CHST11: variants seen among roughly 807,000 people sequenced by gnomAD.
The protein encoded by CHST11 is C4S-1.
Under a neutral mutation model 30.4 loss-of-function variants are expected in CHST11, and 9 were observed. The ratio of observed to expected loss-of-function variants is 0.30; its 90% confidence interval spans 0.18 to 0.52. CHST11 has a LOEUF of 0.52. CHST11 is among the 20% of genes least tolerant of loss of function. The probability of loss-of-function intolerance (pLI) is 0.97; values close to 1 mark genes in which losing one functional copy is unlikely to be tolerated. For missense variants in CHST11, 348 were observed against 460.6 expected, an observed-to-expected ratio of 0.76 and a Z score of 2.24; for synonymous variants, 152 against 187.8, an observed-to-expected ratio of 0.81 and a Z score of 1.56.
chr12:104,700,582 CT>C (rs1175720820), intron 2 of CHST11, among the ~76,000 whole-genome samples: 3 of 152,148 alleles, frequency 2.0e-5, no homozygotes, highest in African/African-American at 7.2e-5. Flanking sequence ...TAATTAGCTC[CT>C]GTGTAAGATG....
chr12:104,572,191 T>A (rs2038633981), intron 1 of CHST11, among the ~76,000 whole-genome samples: 2 of 151,940 alleles, frequency 1.3e-5, no homozygotes, highest in Non-Finnish European at 2.9e-5. Flanking sequence ...TTGTTGTGTC[T>A]CTGCCAGGCT....
At chr12:104,519,430 A>T (rs944504789) in intron 1 of CHST11, among the ~76,000 whole-genome samples, 2 of 152,212 alleles carry the variant, frequency 1.3e-5, no homozygotes, top group Admixed American at 1.3e-4. Context: ...ATAGATGGAG[A>T]TCTGCCCCAG....
intron 2 of CHST11, among the ~76,000 whole-genome samples, chr12:104,718,355 TCACG>T (rs1161062201): frequency 2.2e-4 from 33 of 152,280 alleles, no homozygotes. Flanking sequence ...TCTCTACCAT[TCACG>T]CACATTGTTC....
intron 2 of CHST11, among the ~76,000 whole-genome samples, chr12:104,633,884 T>G (rs2039297630): frequency 6.6e-6 from 1 of 152,148 alleles, no homozygotes; most frequent in Admixed American, 6.6e-5. Context: ...CAGCTCCCCC[T>G]GCCCCACCTC....
intron 1 of CHST11, among the ~76,000 whole-genome samples, chr12:104,486,385 G>C (rs868516400): frequency 6.6e-6 from 1 of 151,896 alleles, no homozygotes; most frequent in South Asian, 2.1e-4. Flanking sequence ...GACAGGAATC[G>C]GGGAATGCAG....
In CHST11 at chr12:104,457,721, G is replaced by A. The variant is rs377385821; in HGVS notation, c.118+192G>A. ...CGTCGGGATGGGGAGGAGAAGGGAAGGTGTGCTTCGCCCTCTTCTTCCTAC... is the reference window on the plus strand; with the variant it reads ...CGTCGGGATGGGGAGGAGAAGGGAAAGTGTGCTTCGCCCTCTTCTTCCTAC... On this transcript the variant is annotated intron_variant, in intron 1 of 2. Coordinates refer to ENST00000303694, the MANE Select transcript of CHST11 (RefSeq NM_018413.6). 4.5e-4 allele frequency among the ~76,000 whole-genome samples: 69 copies of A among 152,204 alleles called. No individual in the cohort carries two copies. In the South Asian group the frequency reaches 0.014, roughly 31 times the overall value.
intron 2 of CHST11, among the ~76,000 whole-genome samples, chr12:104,745,508 A>C (rs2040383022): frequency 6.6e-6 from 1 of 152,216 alleles, no homozygotes; most frequent in Non-Finnish European, 1.5e-5. Context: ...AATAGCATTG[A>C]ATATATAAAT....
At position 104,729,176 on chromosome 12, in the gene CHST11, G is replaced by A. The variant is rs2040237512; in HGVS notation, c.205-27773G>A. On this transcript the variant is annotated intron_variant, in intron 2 of 2. Transcript: ENST00000303694. The surrounding 1 kb of genome is among the most constrained non-coding windows in gnomAD (Gnocchi z 4.0). ...AAAAACACAGAGGCCAAGATGAGCT[G>A]ACAGAAGCAGACACATGGCCAGAAT... 6.6e-6 allele frequency among the ~76,000 whole-genome samples: 1 copy of A among 152,158 alleles called. No homozygotes were observed. Among genetic ancestry groups the A allele is most frequent in the African/African-American group, 2.4e-5 (1 of 41,436 alleles).
rs1007424942 is a variant in CHST11, at chr12:104,760,099, C to T, written c.*2296C>T. ...GCATGGTGAATCCCCAAAAATAATC[C>T]TTGAGTCTGTAGCATTTCCTGAACT... is the stretch of plus-strand genomic sequence containing the variant. On this transcript the variant is annotated 3_prime_UTR_variant, in exon 3 of 3. Transcript: ENST00000303694. The T allele has an allele frequency of 6.6e-6, 1 of 152,028 alleles. No individual in the cohort carries two copies. Among genetic ancestry groups the T allele is most frequent in the African/African-American group, 2.4e-5 (1 of 41,376 alleles). 9.4% of individuals were successfully genotyped at this position (152,028 alleles called of 1,614,324 possible).
At chr12:104,742,220 T>C (rs1020173020) in intron 2 of CHST11, among the ~76,000 whole-genome samples, 2 of 152,104 alleles carry the variant, frequency 1.3e-5, no homozygotes, top group African/African-American at 4.8e-5. Context: ...AGAAGTAGAA[T>C]ATTCTGGTCA....
chr12:104,760,588 G>A lies in CHST11; in HGVS notation c.*2785G>A, dbSNP rs1040848883. On this transcript the variant is annotated 3_prime_UTR_variant, in exon 3 of 3. Coordinates refer to ENST00000303694, the MANE Select transcript of CHST11 (RefSeq NM_018413.6). The stretch of plus-strand genomic sequence containing the variant: ...TGGGGGGTTTTCAATGGAAATTCAC[G>A]TTGCTTTGCATTTCTGTGTCCGTCT... The A allele has an allele frequency of 3.3e-5, 5 of 152,218 alleles. No homozygotes were observed. The highest frequency in any genetic ancestry group is 1.3e-4 in the Admixed American group (2 of 15,274). 9.4% of individuals were successfully genotyped at this position (152,218 alleles called of 1,614,324 possible).
intron 1 of CHST11, among the ~76,000 whole-genome samples, chr12:104,500,848 G>T (rs767409550): frequency 6.6e-6 from 1 of 152,150 alleles, no homozygotes; most frequent in African/African-American, 2.4e-5. Context: ...GAACTATTGC[G>T]GTAGGTTGGC....
chr12:104,684,709 G>A (rs1363329892), intron 2 of CHST11, among the ~76,000 whole-genome samples: 1 of 152,056 alleles, frequency 6.6e-6, no homozygotes, highest in Non-Finnish European at 1.5e-5. Flanking sequence ...TACCATGCCT[G>A]GCTAATTTTT....
In CHST11 at chr12:104,711,268, T is replaced by A. The variant is rs753958048; in HGVS notation, c.205-45681T>A. ...GATGGATTTAATTTTTTTCACTGGT[T>A]TATAGATGCACTTCCTTTCATAGGC... On this transcript the variant is annotated intron_variant, in intron 2 of 2. Coordinates refer to ENST00000303694, the MANE Select transcript of CHST11 (RefSeq NM_018413.6). 2.0e-5 allele frequency among the ~76,000 whole-genome samples: 3 copies of A among 152,184 alleles called. No individual in the cohort carries two copies. The East Asian group carries it at 5.8e-4, about 29-fold the overall frequency.
At chr12:104,513,596 A>AG (rs753498239) in intron 1 of CHST11, among the ~76,000 whole-genome samples, 2 of 152,204 alleles carry the variant, frequency 1.3e-5, no homozygotes, top group Non-Finnish European at 2.9e-5. Context: ...AAAGGGCAGG[A>AG]GGATGCTGGT....
At chr12:104,705,992 AG>A (rs2040029568) in intron 2 of CHST11, among the ~76,000 whole-genome samples, 2 of 152,122 alleles carry the variant, frequency 1.3e-5, no homozygotes, top group Non-Finnish European at 2.9e-5. Context: ...AGGCTGAGGC[AG>A]GAGGATTGCT....
intron 1 of CHST11, among the ~76,000 whole-genome samples, chr12:104,547,826 T>G (rs1283206690): frequency 6.6e-6 from 1 of 152,224 alleles, no homozygotes; most frequent in Non-Finnish European, 1.5e-5. Flanking sequence ...TAAATTATTT[T>G]CTCTGTGGAT....
intron 2 of CHST11, among the ~76,000 whole-genome samples, chr12:104,604,917 T>G (rs541574427): frequency 6.6e-6 from 1 of 152,286 alleles, no homozygotes; most frequent in Admixed American, 6.5e-5. Context: ...TATAAACATC[T>G]TATCTAATCC....
At chr12:104,581,720 G>A (rs922103988) in intron 1 of CHST11, among the ~76,000 whole-genome samples, 1 of 152,162 alleles carries the variant, frequency 6.6e-6, no homozygotes, top group African/African-American at 2.4e-5. Context: ...AGTGACCTTG[G>A]CTGTGTGAGG....
Sources: gnomAD v4.1 joint callset for allele counts (sites outside exome capture counted in the v4.1 genomes callset) on GRCh38, gnomAD v4.1.1 for gene constraint, Gnocchi (gnomAD v3.1) non-coding constraint, MANE v1.5 for transcripts, NCBI Gene and HGNC (gene_info 2026-07-23, HGNC 2026-07-21) for gene names.